YEATS4: variants seen among roughly 807,000 people sequenced by gnomAD.
YEATS4 encodes the protein YEATS domain-containing protein 4.
A neutral mutation model predicts 30.1 loss-of-function variants in YEATS4; 17 were observed. That is an observed-to-expected ratio of 0.56 (90% confidence interval 0.39 to 0.85). The LOEUF is 0.85. YEATS4 is among the 40% of genes least tolerant of loss of function. YEATS4 has a pLI of 0.00. For missense variants in YEATS4, 142 were observed against 268.3 expected (o/e 0.53, Z 3.29); for synonymous variants, 85 against 87.5 (o/e 0.97, Z 0.16).
intron 6 of YEATS4, among the ~76,000 whole-genome samples, chr12:69,381,051 C>G (rs1051361048): frequency 1.3e-5 from 2 of 152,164 alleles, no homozygotes; most frequent in Non-Finnish European, 2.9e-5. Context: ...TCATTGATAA[C>G]ATCTTATCAG....
the YEATS4 span, among the ~76,000 whole-genome samples, chr12:69,401,960 C>G: frequency 6.6e-6 from 1 of 152,174 alleles, no homozygotes; most frequent in Non-Finnish European, 1.5e-5. Flanking sequence ...CCAGATGCAG[C>G]TGTGAACCTA....
At chr12:69,417,856 G>GGA in the YEATS4 span, among the ~76,000 whole-genome samples, 3 of 101,964 alleles carry the variant, frequency 2.9e-5, no homozygotes, top group Admixed American at 9.9e-5. Flanking sequence ...TTACAATAGG[G>GGA]AAAAAAAAAA....
chr12:69,361,241 ATGTG>A (rs111618314), intron 1 of YEATS4: 12,657 of 137,442 alleles, frequency 0.092, 797 homozygotes, highest in East Asian at 0.27. Context: ...TAAAATACTT[ATGTG>A]TGTGTGTGTG....
intron 2 of YEATS4, among the ~76,000 whole-genome samples, chr12:69,363,423 A>G (rs1033446956): frequency 2.0e-5 from 3 of 152,254 alleles, no homozygotes; most frequent in African/African-American, 7.2e-5. Context: ...TTTTCCAAAA[A>G]TGTTTCCTAA....
chr12:69,423,467 A>G, the YEATS4 span, among the ~76,000 whole-genome samples: 2 of 152,232 alleles, frequency 1.3e-5, no homozygotes, highest in African/African-American at 4.8e-5. Flanking sequence ...GATAAGTTGT[A>G]GTTGCTAAGA....
intron 6 of YEATS4, among the ~76,000 whole-genome samples, chr12:69,383,097 C>CA (rs201308710): frequency 1.3e-5 from 2 of 151,748 alleles, no homozygotes; most frequent in Non-Finnish European, 2.9e-5. Context: ...CCCATCTCTA[C>CA]AAAAAAAATT....
At chr12:69,385,079 G>T (rs1039716539) in intron 6 of YEATS4, among the ~76,000 whole-genome samples, 7 of 151,936 alleles carry the variant, frequency 4.6e-5, no homozygotes, top group Non-Finnish European at 8.8e-5. Context: ...TGTCATGATC[G>T]TAGCTCACTG....
Position 69,390,245 on chromosome 12 carries a change from C to A in YEATS4, c.613C>A (p.Arg205Ser). 1 of 1,601,086 alleles carries A rather than the reference C, an allele frequency of 6.2e-7. No homozygotes were observed. The highest frequency in any genetic ancestry group is 1.1e-5 in the South Asian group (1 of 87,508). The part of the protein sequence containing the change: ...AELKERLKAS[R>S]ETINCLKNEI... ...GCTTAAGGAGAGATTAAAAGCAAGT[C>A]GTGAAACTATAAATTGTTTAAAAAA... is the stretch of plus-strand genomic sequence containing the variant. The change falls in exon 7 of 7, where the codon CGT becomes AGT. Residue 205 changes from arginine (R) to serine (S), a missense_variant. Transcript: ENST00000247843.
chr12:69,383,292 A>G (rs1876150519), intron 6 of YEATS4, among the ~76,000 whole-genome samples: 1 of 152,068 alleles, frequency 6.6e-6, no homozygotes, highest in Non-Finnish European at 1.5e-5. Context: ...TTTGGACATG[A>G]TGGGTGTGGG....
the YEATS4 span, among the ~76,000 whole-genome samples, chr12:69,421,980 G>A: frequency 6.6e-6 from 1 of 152,166 alleles, no homozygotes; most frequent in African/African-American, 2.4e-5. Flanking sequence ...CTTGCTTTGA[G>A]GCATTGACAA....
At chr12:69,361,965 A>G (rs940604539) in intron 1 of YEATS4, among the ~76,000 whole-genome samples, 2 of 150,942 alleles carry the variant, frequency 1.3e-5, no homozygotes, top group South Asian at 4.2e-4. Flanking sequence ...ATTTTTTAAA[A>G]GCCTCTTTCT....
intron 6 of YEATS4, among the ~76,000 whole-genome samples, chr12:69,389,440 G>A (rs1868289900): frequency 1.6e-5 from 2 of 124,220 alleles, no homozygotes; most frequent in Non-Finnish European, 3.3e-5. Flanking sequence ...ACAAGAGCGA[G>A]ACTCCATCTC....
At chr12:69,365,560 T>TATAC in intron 2 of YEATS4, 73 bp from the exon 3 acceptor site, 1 of 1,076,670 alleles carries the variant, frequency 9.3e-7, no homozygotes, top group Admixed American at 2.0e-5. Context: ...AAACTAAGTA[T>TATAC]ATACGCTCAG....
chr12:69,383,042 C>G (rs1399642651), intron 6 of YEATS4, among the ~76,000 whole-genome samples: 1 of 152,040 alleles, frequency 6.6e-6, no homozygotes, highest in Non-Finnish European at 1.5e-5. Flanking sequence ...GGGAGGATTG[C>G]CTGAGCCCAG....
intron 6 of YEATS4, among the ~76,000 whole-genome samples, chr12:69,372,258 A>G (rs1875673644): frequency 6.6e-6 from 1 of 152,222 alleles, no homozygotes; most frequent in African/African-American, 2.4e-5. Flanking sequence ...ATATTTTGAT[A>G]CAGGCATACA....
chr12:69,415,400 C>A, the YEATS4 span, among the ~76,000 whole-genome samples: 1 of 152,094 alleles, frequency 6.6e-6, no homozygotes, highest in African/African-American at 2.4e-5. Flanking sequence ...CATGGTGAAA[C>A]CCCATCTGTA....
chr12:69,405,137 T>C, the YEATS4 span, among the ~76,000 whole-genome samples: 1 of 152,224 alleles, frequency 6.6e-6, no homozygotes, highest in Non-Finnish European at 1.5e-5. Flanking sequence ...TGGATACAAA[T>C]AGTTTTGCCT....
At chr12:69,407,394 A>C in the YEATS4 span, among the ~76,000 whole-genome samples, 1 of 152,122 alleles carries the variant, frequency 6.6e-6, no homozygotes. Flanking sequence ...AATTAATTTA[A>C]TATAAAATGA....
chr12:69,379,631 G>T (rs11177632), intron 6 of YEATS4, among the ~76,000 whole-genome samples: 4 of 117,514 alleles, frequency 3.4e-5, no homozygotes, highest in South Asian at 2.9e-4. Context: ...GGTGGAGATG[G>T]GGTTTTGCCA....
Sources: gnomAD v4.1 joint callset for allele counts (sites outside exome capture counted in the v4.1 genomes callset) on GRCh38, gnomAD v4.1.1 for gene constraint, MANE v1.5 for transcripts, NCBI Gene and HGNC (gene_info 2026-07-23, HGNC 2026-07-21) for gene names.